The following ARHGAP6 variants were observed in gnomAD, a reference collection of about 807,000 sequenced individuals.
The protein encoded by ARHGAP6 is Rho GTPase activating protein 6, also known as rho GTPase-activating protein 6.
Under a neutral mutation model 55.7 loss-of-function variants are expected in ARHGAP6, and 16 were observed. That is an observed-to-expected ratio of 0.29 (90% CI 0.19 to 0.44). The LOEUF (loss-of-function observed/expected upper bound fraction) is 0.44, where lower values mean the gene tolerates loss of function less well. ARHGAP6 is among the 20% of genes least tolerant of loss of function. The pLI, the probability that ARHGAP6 is intolerant of heterozygous loss-of-function variation, is 1.00. For synonymous variants in ARHGAP6, 382 were observed against 360.9 expected (o/e 1.06, Z -0.66); for missense variants, 698 against 808.9 (o/e 0.86, Z 1.66).
chrX:11,345,173 C>T (rs1168268733), intron 1 of ARHGAP6, among the ~76,000 whole-genome samples: 2 of 111,829 alleles, frequency 1.8e-5, no homozygotes, highest in Non-Finnish European at 3.8e-5. Flanking sequence ...CTTCGATGGG[C>T]AGAAAACCAT....
intron 1 of ARHGAP6, among the ~76,000 whole-genome samples, chrX:11,568,609 T>G (rs2051474290): frequency 9.1e-6 from 1 of 110,372 alleles, no homozygotes; most frequent in Non-Finnish European, 1.9e-5. Context: ...ATACAAAAAT[T>G]AGCTGGCTAT....
chrX:11,573,824 A>T (rs2051561645), intron 1 of ARHGAP6, among the ~76,000 whole-genome samples: 1 of 111,250 alleles, frequency 9.0e-6, no homozygotes, highest in Admixed American at 9.5e-5. Context: ...ATGAGCATGG[A>T]ATGTTCTTCC....
Position 11,225,802 on chromosome X carries a change from C to T in ARHGAP6, c.748+28746G>A. 3 of 344,516 alleles carry T rather than the reference C, an allele frequency of 8.7e-6. No homozygotes were observed. In the East Asian group the frequency reaches 1.7e-4, roughly 19 times the overall value. The allele number at this position is 344,516 out of a possible 1,213,427, so 28.4% of individuals were successfully genotyped here. A position where few individuals can be genotyped will look rare whatever the true frequency, so the allele number is the denominator to read the frequency against. Reference sequence around the variant, plus strand: ...CAATACGTTCTTATAAAATACAACTCATGAACAAAAATAGAAGACAGTCTG... The same window carrying T: ...CAATACGTTCTTATAAAATACAACTTATGAACAAAAATAGAAGACAGTCTG... On this transcript the variant is annotated intron_variant, in intron 2 of 12. Transcript: ENST00000337414.
chrX:11,628,492 C>T (rs900688417), intron 1 of ARHGAP6, among the ~76,000 whole-genome samples: 1 of 112,728 alleles, frequency 8.9e-6, no homozygotes, highest in African/African-American at 3.2e-5. Context: ...TTTTACAAAG[C>T]TTTCTTTTAA....
rs770853743 is a variant in ARHGAP6, at chrX:11,631,385, C to A, written c.588+32856G>T. 5.5e-5 allele frequency among the ~76,000 whole-genome samples: 6 copies of A among 109,780 alleles called. No individual in the cohort carries two copies. In the East Asian group the frequency reaches 1.7e-3, roughly 32 times the overall value. ...ACTAAAAATACAAAAATTAGCCAGG[C>A]GTGGTGGCAGGCGCCTGTAATCCTA... On this transcript the variant is annotated intron_variant, in intron 1 of 12. Transcript: ENST00000337414.
At chrX:11,474,624 CTT>C (rs1417844841) in intron 1 of ARHGAP6, among the ~76,000 whole-genome samples, 1 of 111,687 alleles carries the variant, frequency 9.0e-6, no homozygotes, top group African/African-American at 3.3e-5. Context: ...AATAATTTGC[CTT>C]TCATTTTAAA....
chrX:11,522,465 T>A (rs1343739326), intron 1 of ARHGAP6, among the ~76,000 whole-genome samples: 1 of 110,370 alleles, frequency 9.1e-6, no homozygotes, highest in Non-Finnish European at 1.9e-5. Context: ...TTTGAAAAGA[T>A]CAACAAAATC....
At chrX:11,408,940 C>T (rs754292444) in intron 1 of ARHGAP6, among the ~76,000 whole-genome samples, 10 of 110,264 alleles carry the variant, frequency 9.1e-5, no homozygotes, top group African/African-American at 1.6e-4. Context: ...CACACACACA[C>T]GCATCCTCCA....
chrX:11,292,719 A>G (rs1053171508), intron 1 of ARHGAP6, among the ~76,000 whole-genome samples: 1 of 112,121 alleles, frequency 8.9e-6, no homozygotes, highest in South Asian at 3.7e-4. Context: ...CTTGCCTTGT[A>G]GTATAGATCA....
chrX:11,442,160 T>C (rs561605742), intron 1 of ARHGAP6, among the ~76,000 whole-genome samples: 16 of 111,073 alleles, frequency 1.4e-4, no homozygotes, highest in African/African-American at 4.9e-4. Context: ...GATTATTACA[T>C]CCCTTCTATT....
At chrX:11,270,392 G>C (rs1412934126) in intron 1 of ARHGAP6, among the ~76,000 whole-genome samples, 1 of 111,713 alleles carries the variant, frequency 9.0e-6, no homozygotes, top group African/African-American at 3.3e-5. Flanking sequence ...GTGGAATTGA[G>C]ACACAGAAAT....
intron 2 of ARHGAP6, among the ~76,000 whole-genome samples, chrX:11,227,516 C>T (rs1248506857): frequency 8.9e-6 from 1 of 111,828 alleles, no homozygotes; most frequent in Non-Finnish European, 1.9e-5. Context: ...TCTGAGCCAT[C>T]CTTCACTGAT....
chrX:11,472,754 G>A (rs1300589350), intron 1 of ARHGAP6, among the ~76,000 whole-genome samples: 1 of 111,495 alleles, frequency 9.0e-6, no homozygotes, highest in East Asian at 2.8e-4. Context: ...GGAAATGGGA[G>A]TCACTGAACA....
chrX:11,301,871 T>A (rs2048178658), intron 1 of ARHGAP6, among the ~76,000 whole-genome samples: 1 of 111,858 alleles, frequency 8.9e-6, no homozygotes, highest in Non-Finnish European at 1.9e-5. Context: ...GTCAAAACAC[T>A]CTGGCAAATA....
intron 1 of ARHGAP6, among the ~76,000 whole-genome samples, chrX:11,300,086 G>A (rs918808743): frequency 1.8e-5 from 2 of 111,536 alleles, no homozygotes; most frequent in Admixed American, 9.5e-5. Flanking sequence ...GCCTATCATT[G>A]GCTATTCTAG....
chrX:11,520,181 C>G (rs1409542250), intron 1 of ARHGAP6, among the ~76,000 whole-genome samples: 3 of 35,690 alleles, frequency 8.4e-5, no homozygotes, highest in African/African-American at 1.9e-4. Context: ...ATATATATTA[C>G]TTTAAGTTCT....
At chrX:11,479,253 T>A (rs754640590) in intron 1 of ARHGAP6, among the ~76,000 whole-genome samples, 1 of 112,119 alleles carries the variant, frequency 8.9e-6, no homozygotes, top group African/African-American at 3.2e-5. Context: ...AAGCAACACA[T>A]CTTTCATGGT....
intron 9 of ARHGAP6, among the ~76,000 whole-genome samples, chrX:11,159,083 GA>G (rs2045904895): frequency 9.0e-6 from 1 of 111,654 alleles, no homozygotes; most frequent in Admixed American, 9.5e-5. Context: ...TAGAAGGAAG[GA>G]AAAGAAAGCC....
rs1287057741 is a variant in ARHGAP6 at position 11,551,616 on chromosome X, A to G, written c.588+112625T>C. On this transcript the variant is annotated intron_variant, in intron 1 of 12. Transcript: ENST00000337414. ...CTTTGAAATGTGACCTTATGTGGAG[A>G]TAGGGAATAAACAGAAGTAATCAAG... Among the ~76,000 whole-genome samples the G allele has an allele frequency of 6.3e-5, 7 of 111,736 alleles. No individual in the cohort carries two copies. The Admixed American group carries it at 6.7e-4, about 11-fold the overall frequency.
Sources: gnomAD v4.1 joint callset for allele counts (sites outside exome capture counted in the v4.1 genomes callset) on GRCh38, gnomAD v4.1.1 for gene constraint, MANE v1.5 for transcripts, NCBI Gene and HGNC (gene_info 2026-07-23, HGNC 2026-07-21) for gene names.